The following ZSWIM5 variants were observed in gnomAD, a reference collection of about 807,000 sequenced individuals.
ZSWIM5 encodes the protein zinc finger SWIM-type containing 5.
ZSWIM5 carries 55 observed loss-of-function variants against 119.6 expected under a neutral mutation model. The observed-to-expected ratio is 0.46, with a 90% confidence interval of 0.37 to 0.58. The LOEUF (loss-of-function observed/expected upper bound fraction) is 0.58, where lower values mean the gene tolerates loss of function less well. ZSWIM5 is among the 20% of genes least tolerant of loss of function. The pLI, the probability that ZSWIM5 is intolerant of heterozygous loss-of-function variation, is 0.00. For synonymous variants in ZSWIM5, 537 were observed against 606.9 expected, an observed-to-expected ratio of 0.88 and a Z score of 1.69; for missense variants, 1,193 against 1,512.8, an observed-to-expected ratio of 0.79 and a Z score of 3.51.
At chr1:45,144,271 T>G (rs1281196254) in intron 1 of ZSWIM5, among the ~76,000 whole-genome samples, 1 of 151,848 alleles carries the variant, frequency 6.6e-6, no homozygotes, top group African/African-American at 2.4e-5. Context: ...TTCAAGCCTG[T>G]AATCCCAGCA....
intron 11 of ZSWIM5, among the ~76,000 whole-genome samples, chr1:45,029,810 A>G (rs1644941377): frequency 6.6e-6 from 1 of 152,168 alleles, no homozygotes; most frequent in Admixed American, 6.5e-5. Flanking sequence ...CATTGTCTAT[A>G]TATACCACAT....
chr1:45,055,511 G>A (rs887966825), intron 4 of ZSWIM5, among the ~76,000 whole-genome samples: 1 of 152,180 alleles, frequency 6.6e-6, no homozygotes, highest in African/African-American at 2.4e-5. Flanking sequence ...GGAAAATTAA[G>A]AGTTCTGTGA....
At chr1:45,153,505 CAAA>C (rs113314162) in intron 1 of ZSWIM5, among the ~76,000 whole-genome samples, 3 of 121,366 alleles carry the variant, frequency 2.5e-5, no homozygotes. Flanking sequence ...GACTCTGTCT[CAAA>C]AAAAAAAAAA....
At position 45,105,160 on chromosome 1, in the gene ZSWIM5, C is replaced by G. The variant is rs948774423; in HGVS notation, c.596-16923G>C. On this transcript the variant is annotated intron_variant, in intron 1 of 13. Coordinates refer to ENST00000359600, the MANE Select transcript of ZSWIM5 (RefSeq NM_020883.2). Reference sequence around the variant, plus strand: ...GGAGACGGGGTTTCACCGTGTTGACCAGGCTGGTCTCCAGCTCCTGGCCTC... The same window carrying G: ...GGAGACGGGGTTTCACCGTGTTGACGAGGCTGGTCTCCAGCTCCTGGCCTC... 2.0e-5 allele frequency among the ~76,000 whole-genome samples: 3 copies of G among 152,150 alleles called. No individual in the cohort carries two copies. The East Asian group carries it at 5.8e-4, about 29-fold the overall frequency.
chr1:45,153,093 TAA>T (rs76324771), intron 1 of ZSWIM5, among the ~76,000 whole-genome samples: 3,073 of 105,822 alleles, frequency 0.029, 107 homozygotes, highest in African/African-American at 0.09. Context: ...ATTAAAAAGT[TAA>T]AAAAAAAAAA....
At chr1:45,062,562 G>A (rs1039685925) in intron 2 of ZSWIM5, among the ~76,000 whole-genome samples, 61 of 152,058 alleles carry the variant, frequency 4.0e-4, no homozygotes, top group Non-Finnish European at 5.9e-4. Context: ...GTGTAGTGGT[G>A]CCATCATGGC....
chr1:45,066,292 T>C (rs1406233076), intron 2 of ZSWIM5, among the ~76,000 whole-genome samples: 1 of 152,142 alleles, frequency 6.6e-6, no homozygotes, highest in Non-Finnish European at 1.5e-5. Flanking sequence ...CAGCCAATAT[T>C]TATAGAGAGC....
chr1:45,034,754 T>C (rs1250047745), intron 10 of ZSWIM5, among the ~76,000 whole-genome samples: 1 of 152,160 alleles, frequency 6.6e-6, no homozygotes, highest in Admixed American at 6.5e-5. Context: ...GAAAAGTTAA[T>C]ACATTTTTAA....
In ZSWIM5 at chr1:45,206,101, C is replaced by G; in HGVS notation, c.250G>C (p.Glu84Gln). 6.2e-7 allele frequency: 1 copy of G among 1,611,856 alleles called. No individual in the cohort carries two copies. The highest frequency in any genetic ancestry group is 1.1e-5 in the South Asian group (1 of 91,000). The change falls in exon 1 of 14, where the codon GAG (glutamate) becomes CAG (glutamine). Residue 84 changes from glutamate to glutamine, a missense_variant. Glu to Gln is a conservative substitution (Grantham distance 29). Coordinates refer to ENST00000359600, the MANE Select transcript of ZSWIM5 (RefSeq NM_020883.2). ...AEKWAYERVE[E>Q]RFERIPEPVQ... ...GGCTCCGGGATCCGCTCGAAGCGCT[C>G]CTCCACCCGTTCGTATGCCCACTTT...
intron 5 of ZSWIM5, among the ~76,000 whole-genome samples, chr1:45,044,746 A>AAAAAAAAAAAAAATATATATAT (rs1557746354): frequency 6.0e-4 from 1 of 1,654 alleles, no homozygotes; most frequent in Non-Finnish European, 1.7e-3. Context: ...AAAAAAAAAA[A>AAAAAAAAAAAAAATATATATAT]ATATATATAT....
chr1:45,048,151 G>A (rs1289584384), intron 5 of ZSWIM5, among the ~76,000 whole-genome samples: 1 of 140,484 alleles, frequency 7.1e-6, no homozygotes, highest in South Asian at 2.2e-4. Flanking sequence ...TGGCATGACC[G>A]TGGCTCATTG....
intron 1 of ZSWIM5, among the ~76,000 whole-genome samples, chr1:45,203,536 T>G (rs896969709): frequency 1.3e-5 from 2 of 152,058 alleles, no homozygotes; most frequent in Non-Finnish European, 2.9e-5. Flanking sequence ...AATTCTTAAT[T>G]AGCATCACTT....
At chr1:45,160,822 A>ACT (rs1645859163) in intron 1 of ZSWIM5, among the ~76,000 whole-genome samples, 1 of 127,006 alleles carries the variant, frequency 7.9e-6, no homozygotes, top group South Asian at 2.6e-4. Flanking sequence ...TGCCTGGGTA[A>ACT]TTTTTTTTTT....
intron 11 of ZSWIM5, among the ~76,000 whole-genome samples, chr1:45,025,257 G>A (rs1030568898): frequency 2.0e-5 from 3 of 152,172 alleles, no homozygotes; most frequent in Admixed American, 6.6e-5. Flanking sequence ...ATTGGGTAGT[G>A]TCAGGCCTCT....
chr1:45,199,726 T>C (rs1368529034), intron 1 of ZSWIM5, among the ~76,000 whole-genome samples: 1 of 152,158 alleles, frequency 6.6e-6, no homozygotes, highest in East Asian at 1.9e-4. Flanking sequence ...CTTCAGAAAC[T>C]CTCAGAGTCA....
At chr1:45,201,283 G>A (rs949075759) in intron 1 of ZSWIM5, among the ~76,000 whole-genome samples, 2 of 152,184 alleles carry the variant, frequency 1.3e-5, no homozygotes, top group African/African-American at 4.8e-5. Context: ...ATACATTTGT[G>A]TGGTTTTAAG....
intron 2 of ZSWIM5, among the ~76,000 whole-genome samples, chr1:45,065,082 A>G (rs1437109239): frequency 2.0e-5 from 3 of 152,240 alleles, no homozygotes; most frequent in Non-Finnish European, 4.4e-5. Context: ...ATTCTCAGAT[A>G]TTAATATACA....
intron 1 of ZSWIM5, among the ~76,000 whole-genome samples, chr1:45,203,874 C>G (rs1570219131): frequency 6.6e-6 from 1 of 152,044 alleles, no homozygotes; most frequent in East Asian, 1.9e-4. Context: ...TAAATTTATT[C>G]ACCGGTCTTC....
At chr1:45,168,097 G>A (rs1557786619) in intron 1 of ZSWIM5, among the ~76,000 whole-genome samples, 1 of 152,058 alleles carries the variant, frequency 6.6e-6, no homozygotes, top group Non-Finnish European at 1.5e-5. Context: ...ATGATAGACT[G>A]GATTAAGAAA....
Sources: allele counts gnomAD v4.1 joint callset (sites outside exome capture counted in the v4.1 genomes callset), GRCh38; gene constraint gnomAD v4.1.1; transcripts MANE v1.5; gene names NCBI Gene and HGNC (gene_info 2026-07-23, HGNC 2026-07-21).